Variants in PAK3 observed in about 807,000 individuals in gnomAD.
The protein encoded by PAK3 is p21 (RAC1) activated kinase 3, also known as serine/threonine-protein kinase PAK 3.
Under a neutral mutation model 41.0 loss-of-function variants are expected in PAK3, and 4 were observed. The ratio of observed to expected loss-of-function variants is 0.10; its 90% CI spans 0.05 to 0.22. The LOEUF (loss-of-function observed/expected upper bound fraction) is 0.22. Among genes scored for constraint, PAK3 ranks in the 10% least tolerant of loss-of-function variants. The probability of loss-of-function intolerance (pLI) is 1.00; values close to 1 mark genes in which losing one functional copy is unlikely to be tolerated. For synonymous variants in PAK3, 146 were observed against 139.6 expected, an observed-to-expected ratio of 1.05 and a Z score of -0.32; for missense variants, 205 against 409.9, an observed-to-expected ratio of 0.50 and a Z score of 4.32.
chrX:110,978,931 C>T (rs1460803955), intron 1 of PAK3, among the ~76,000 whole-genome samples: 6 of 111,334 alleles, frequency 5.4e-5, no homozygotes, highest in Non-Finnish European at 1.1e-4. Context: ...TGGTAGAATT[C>T]CTCAGTGAAA....
At chrX:111,074,630 C>A (rs1221091604) in intron 1 of PAK3, among the ~76,000 whole-genome samples, 1 of 111,839 alleles carries the variant, frequency 8.9e-6, no homozygotes, top group Admixed American at 9.5e-5. Flanking sequence ...AAATTTGATA[C>A]CAAGGAGTTG....
intron 1 of PAK3, among the ~76,000 whole-genome samples, chrX:111,072,774 C>A (rs1206524901): frequency 8.9e-6 from 1 of 111,964 alleles, no homozygotes; most frequent in Non-Finnish European, 1.9e-5. Flanking sequence ...AGGACAGTAA[C>A]CAAGTTTGAA....
chrX:111,084,071 A>C, intron 1 of PAK3, among the ~76,000 whole-genome samples: 1 of 113,047 alleles, frequency 8.8e-6, no homozygotes, highest in Non-Finnish European at 1.9e-5. Context: ...CATCCTGATT[A>C]ATCATACATT....
chrX:111,033,683 G>A (rs931078183), intron 1 of PAK3, among the ~76,000 whole-genome samples: 2 of 111,276 alleles, frequency 1.8e-5, no homozygotes, highest in South Asian at 3.8e-4. Flanking sequence ...CACCAAATTA[G>A]CCAACTGCGC....
intron 1 of PAK3, among the ~76,000 whole-genome samples, chrX:110,966,775 A>T (rs750886313): frequency 9.0e-6 from 1 of 111,490 alleles, no homozygotes; most frequent in African/African-American, 3.3e-5. Context: ...ATCTGTAGGT[A>T]GTCAAGTTGT....
chrX:111,045,301 T>G (rs919732463), intron 1 of PAK3, among the ~76,000 whole-genome samples: 8 of 112,565 alleles, frequency 7.1e-5, no homozygotes, highest in Non-Finnish European at 1.3e-4. Context: ...TACTAACACT[T>G]TCCACTATGT....
At chrX:110,954,348 T>C (rs2090808919) in intron 1 of PAK3, among the ~76,000 whole-genome samples, 2 of 112,409 alleles carry the variant, frequency 1.8e-5, no homozygotes, top group Non-Finnish European at 3.7e-5. Flanking sequence ...ATGTGTTGTC[T>C]CATTTAATTT....
At chrX:111,070,238 GATCATTTAT>G (rs1341998152) in intron 1 of PAK3, among the ~76,000 whole-genome samples, 1 of 5,468 alleles carries the variant, frequency 1.8e-4, no homozygotes, top group Non-Finnish European at 4.1e-3. Flanking sequence ...AGCTGAATTT[GATCATTTAT>G]ATGGACAACA....
chrX:111,211,203 G>C (rs1329844179), intron 16 of PAK3, among the ~76,000 whole-genome samples: 3 of 110,320 alleles, frequency 2.7e-5, no homozygotes, highest in African/African-American at 9.9e-5. Flanking sequence ...CCTAGGGTGA[G>C]AAGAGAACAG....
Position 111,162,937 on chromosome X carries a change from C to A in PAK3, c.491C>A (p.Pro164His). 1 of 1,206,007 alleles carries A rather than the reference C, an allele frequency of 8.3e-7. No homozygotes were observed. The highest frequency in any genetic ancestry group is 1.8e-5 in the South Asian group (1 of 56,806). The stretch of plus-strand genomic sequence containing the variant: ...AAGAGTACAAAAACAGCATCTGAGC[C>A]TCCATTGGCCCCTCCTGTGTCTGAA... ...HPSSTKTASE[P>H]PLAPPVSEEE... Residue 164 changes from proline to histidine, a missense_variant, in exon 9 of 18, where the codon CCT becomes CAT. By Grantham distance (77) the Pro-to-His change is moderately conservative. Coordinates refer to ENST00000372007, the MANE Select transcript of PAK3 (RefSeq NM_002578.5).
chrX:111,100,299 C>T (rs1428099556), intron 3 of PAK3, among the ~76,000 whole-genome samples: 1 of 111,414 alleles, frequency 9.0e-6, no homozygotes, highest in African/African-American at 3.3e-5. Flanking sequence ...TCACTGTGAG[C>T]CCCAGGCACT....
intron 4 of PAK3, among the ~76,000 whole-genome samples, chrX:111,108,006 A>C (rs773200825): frequency 1.8e-5 from 2 of 112,082 alleles, no homozygotes; most frequent in Non-Finnish European, 3.8e-5. Flanking sequence ...GGTGAAAGAC[A>C]CACCTATTGC....
In PAK3 at chrX:111,183,867, G is replaced by A. The variant is rs145864045; in HGVS notation, c.831-8260G>A. Among the ~76,000 whole-genome samples the A allele has an allele frequency of 1.7e-3, 186 of 111,871 alleles. 1 individual carries two copies. Among genetic ancestry groups the A allele is most frequent in the African/African-American group, 5.8e-3 (178 of 30,872 alleles). ...CTGTTGACAAAGCATCTAATGTGAT[G>A]CCAAGAACCCAGATGTACTTATCGC... On this transcript the variant is annotated intron_variant, in intron 11 of 17. Coordinates refer to ENST00000372007, the MANE Select transcript of PAK3 (RefSeq NM_002578.5).
chrX:111,214,946 G>T (rs1204265635), intron 16 of PAK3, among the ~76,000 whole-genome samples: 2 of 111,437 alleles, frequency 1.8e-5, no homozygotes, highest in African/African-American at 6.5e-5. Flanking sequence ...GGCAGTACCT[G>T]CAGGCAAACT....
At chrX:111,067,751 T>G (rs1188961977) in intron 1 of PAK3, among the ~76,000 whole-genome samples, 1 of 111,509 alleles carries the variant, frequency 9.0e-6, no homozygotes, top group East Asian at 2.8e-4. Context: ...GTGCATCATT[T>G]TAATAAGCTG....
chrX:111,109,279 A>G (rs1271494408), intron 4 of PAK3, among the ~76,000 whole-genome samples: 4 of 112,202 alleles, frequency 3.6e-5, no homozygotes, highest in Non-Finnish European at 7.5e-5. Flanking sequence ...AGAGCTTATT[A>G]TCTTTACCAT....
intron 16 of PAK3, among the ~76,000 whole-genome samples, chrX:111,204,844 T>C (rs1478006455): frequency 9.2e-6 from 1 of 108,841 alleles, no homozygotes; most frequent in African/African-American, 3.3e-5. Flanking sequence ...TCTTTTCTTT[T>C]GCTTTATTTT....
chrX:111,066,089 G>A (rs2092699694), intron 1 of PAK3, among the ~76,000 whole-genome samples: 1 of 111,255 alleles, frequency 9.0e-6, no homozygotes, highest in Admixed American at 9.6e-5. Flanking sequence ...TTTTCTTCTG[G>A]TAGCTTTGAG....
At chrX:111,210,594 A>G (rs776860102) in intron 16 of PAK3, among the ~76,000 whole-genome samples, 21 of 112,035 alleles carry the variant, frequency 1.9e-4, no homozygotes, top group Middle Eastern at 4.7e-3. Flanking sequence ...TAAGTCTGTT[A>G]TAGTCTCAGC....
Sources: allele counts gnomAD v4.1 joint callset (sites outside exome capture counted in the v4.1 genomes callset), GRCh38; gene constraint gnomAD v4.1.1; transcripts MANE v1.5; gene names NCBI Gene and HGNC (gene_info 2026-07-23, HGNC 2026-07-21).